PRKDC: variants seen among roughly 807,000 people sequenced by gnomAD.
The protein encoded by PRKDC is protein kinase, DNA-activated, catalytic subunit, also known as DNA-dependent protein kinase catalytic subunit.
In PRKDC, 82 loss-of-function variants were observed where a neutral mutation model predicts 486.9. That is an observed-to-expected ratio of 0.17 (90% CI 0.14 to 0.20). The LOEUF is 0.20. PRKDC is among the 10% of genes least tolerant of loss of function. The pLI, the probability that PRKDC is intolerant of heterozygous loss-of-function variation, is 1.00. For missense variants in PRKDC, 4,504 were observed against 5,038.2 expected (o/e 0.89, Z 3.21); for synonymous variants, 1,895 against 1,837.0 (o/e 1.03, Z -0.81).
At chr8:47,817,391 A>C in intron 68 of PRKDC, 59 bp downstream of exon 68, 2 of 1,227,256 alleles carry the variant, frequency 1.6e-6, no homozygotes, top group Non-Finnish European at 2.3e-6. Context: ...TTGGAAGAAA[A>C]ACCATTCCAA....
intron 16 of PRKDC, 46 bp from the exon 17 acceptor site, chr8:47,930,833 G>C: frequency 4.0e-6 from 6 of 1,487,712 alleles, no homozygotes; most frequent in Non-Finnish European, 5.4e-6. Flanking sequence ...ATTCAATCAC[G>C]AATCACTCAA....
intron 48 of PRKDC, 95 bp from the exon 49 acceptor site, chr8:47,857,394 A>G: frequency 7.3e-7 from 1 of 1,367,938 alleles, no homozygotes; most frequent in Non-Finnish European, 9.8e-7. Flanking sequence ...AAAATTTTAT[A>G]CTATGACTGG....
chr8:47,774,046 A>C lies in PRKDC; in HGVS notation c.*127T>G. 5.2e-6 allele frequency: 5 copies of C among 958,284 alleles called. No individual in the cohort carries two copies. Among genetic ancestry groups the C allele is most frequent in the Non-Finnish European group, 7.5e-6 (5 of 663,384 alleles). 59.4% of individuals were successfully genotyped at this position (958,284 alleles called of 1,614,324 possible). On this transcript the variant is annotated 3_prime_UTR_variant, in exon 86 of 86. Coordinates refer to ENST00000314191, the MANE Select transcript of PRKDC (RefSeq NM_006904.7). ...AATCTTGATTTAAACTCATGCTACGAAACTGTAGCACAAAAGACATTTCTC... is the reference window on the plus strand; with the variant it reads ...AATCTTGATTTAAACTCATGCTACGCAACTGTAGCACAAAAGACATTTCTC...
At chr8:47,785,586 T>C (rs2086777212) in intron 76 of PRKDC, among the ~76,000 whole-genome samples, 1 of 152,008 alleles carries the variant, frequency 6.6e-6, no homozygotes, top group Non-Finnish European at 1.5e-5. Flanking sequence ...ATAAAAACAT[T>C]AGCTGGGTGT....
chr8:47,807,028 A>G, intron 69 of PRKDC, 109 bp downstream of exon 69: 10 of 1,120,802 alleles, frequency 8.9e-6, no homozygotes, highest in Non-Finnish European at 1.2e-5. Context: ...AAAAAATAAC[A>G]CCTACCAATT....
chr8:47,803,333 T>G lies in PRKDC; in HGVS notation c.9895A>C (p.Thr3299Pro). 1.9e-6 allele frequency: 3 copies of G among 1,613,496 alleles called. No individual in the cohort carries two copies. The highest frequency in any genetic ancestry group is 2.5e-6 in the Non-Finnish European group (3 of 1,179,710). ...RSQGCSEQVL[T>P]VLKTVSLLDE... ...AACAAAGAGACTGTTTTCAGCACAG[T>G]GAGCACCTGCTCAGAGCAGCCCTGG... The change falls in exon 70 of 86, where the codon ACT (threonine) becomes CCT (proline). Residue 3299 changes from threonine to proline, a missense_variant. Physicochemically the swap from Thr to Pro is conservative, Grantham distance 38. This residue lies in a region of PRKDC where 1,592 missense variants were observed against 1,724.6 expected (regional missense o/e 0.92). Transcript: ENST00000314191.
intron 68 of PRKDC, among the ~76,000 whole-genome samples, chr8:47,813,932 T>C (rs2087387401): frequency 6.6e-6 from 1 of 152,180 alleles, no homozygotes; most frequent in African/African-American, 2.4e-5. Flanking sequence ...GAGGCCATGA[T>C]AACCCTAATA....
chr8:47,805,191 CTT>C (rs1007717897), intron 69 of PRKDC: 2 of 152,112 alleles, frequency 1.3e-5, no homozygotes, highest in Non-Finnish European at 2.9e-5. Flanking sequence ...CTACGTTTAA[CTT>C]TTTGAGGAAA....
At chr8:47,796,426 A>G (rs1447667858) in intron 73 of PRKDC, among the ~76,000 whole-genome samples, 2 of 152,152 alleles carry the variant, frequency 1.3e-5, no homozygotes, top group African/African-American at 4.8e-5. Flanking sequence ...TTCAACTTAC[A>G]TTATTAGTGA....
rs147753989 is a variant in PRKDC at position 47,789,012 on chromosome 8, G to C, written c.10796C>G (p.Thr3599Ser). ...SNDVRAELAK[T>S]PVNKKNIEKM... ...TTCAATGTTTTTTTTATTTACAGGG[G>C]TTTTTGCTAGTTCAGCTCTTACATC... The change falls in exon 76 of 86, where the codon ACC becomes AGC. Residue 3599 changes from threonine to serine, a missense_variant. This residue lies in a region of PRKDC where 706 missense variants were observed against 945.0 expected (regional missense o/e 0.75). Coordinates refer to ENST00000314191, the MANE Select transcript of PRKDC (RefSeq NM_006904.7). 211 of 1,612,588 alleles carry C rather than the reference G, an allele frequency of 1.3e-4. No homozygotes were observed. In the East Asian group the frequency reaches 4.6e-3, roughly 35 times the overall value.
chr8:47,952,497 T>G (rs2090641130), intron 7 of PRKDC, among the ~76,000 whole-genome samples: 1 of 152,158 alleles, frequency 6.6e-6, no homozygotes, highest in African/African-American at 2.4e-5. Flanking sequence ...AGTAGCACAT[T>G]GGGACCCTTG....
intron 29 of PRKDC, 134 bp downstream of exon 29, chr8:47,898,336 T>G (rs1283612616): frequency 1.4e-6 from 1 of 707,122 alleles, no homozygotes; most frequent in East Asian, 2.8e-5. Flanking sequence ...AACGAACTCT[T>G]CAGACTTCCA....
intron 56 of PRKDC, among the ~76,000 whole-genome samples, chr8:47,837,875 C>T (rs1473838933): frequency 6.6e-6 from 1 of 152,086 alleles, no homozygotes; most frequent in African/African-American, 2.4e-5. Flanking sequence ...GTGGCTCAGG[C>T]GTGTAATCCC....
rs147895173 is a variant in PRKDC at position 47,902,601 on chromosome 8, T to A, written c.3237A>T (p.Ser1079=). The A allele has an allele frequency of 8.7e-6, 14 of 1,600,566 alleles. No homozygotes were observed. The highest frequency in any genetic ancestry group is 3.5e-5 in the Admixed American group (2 of 57,406). The change falls in exon 27 of 86, where the codon TCA becomes TCT. Residue 1079 remains serine (S), a synonymous_variant. Coordinates refer to ENST00000314191, the MANE Select transcript of PRKDC (RefSeq NM_006904.7). Reference sequence around the variant, plus strand: ...CCCTGTAGATATTATTAAAGGCAAGTGATGCTCCCAGCCTCTTGAAAGCAT... The same window carrying A: ...CCCTGTAGATATTATTAAAGGCAAGAGATGCTCCCAGCCTCTTGAAAGCAT... ...HPNAFKRLGA[S]LAFNNIYREF... is the part of the protein sequence containing the mutation.
chr8:47,917,147 CGGGTGGCT>C (rs2089998672), intron 22 of PRKDC, among the ~76,000 whole-genome samples: 1 of 152,040 alleles, frequency 6.6e-6, no homozygotes, highest in Non-Finnish European at 1.5e-5. Context: ...CCCAGCTACT[CGGGTGGCT>C]GAGGCGGGAG....
chr8:47,959,791 C>T (rs753465497), intron 1 of PRKDC, among the ~76,000 whole-genome samples, 182 bp downstream of exon 1: 10 of 152,146 alleles, frequency 6.6e-5, no homozygotes, highest in Non-Finnish European at 1.0e-4. Context: ...TCCTCTAATA[C>T]TAGGGGGTAA....
chr8:47,935,607 A>C (rs2090336661), intron 13 of PRKDC, 125 bp downstream of exon 13: 2 of 1,106,786 alleles, frequency 1.8e-6, no homozygotes, highest in Non-Finnish European at 2.5e-6. Context: ...GTCTACCAAA[A>C]TTTAGGAGTT....
intron 43 of PRKDC, 55 bp from the exon 44 acceptor site, chr8:47,862,182 C>G: frequency 6.8e-7 from 1 of 1,465,338 alleles, no homozygotes; most frequent in Admixed American, 2.1e-5. Context: ...TCCTCATAAT[C>G]GATGTTACTT....
At position 47,800,469 on chromosome 8, in the gene PRKDC, G is replaced by T. The variant is rs1438266329; in HGVS notation, c.10116+324C>A. 3.5e-5 allele frequency among the ~76,000 whole-genome samples: 5 copies of T among 142,898 alleles called. No individual in the cohort carries two copies. The South Asian group carries it at 9.3e-4, about 26-fold the overall frequency. 93.7% of individuals were successfully genotyped at this position (142,898 alleles called of 152,430 possible). On this transcript the variant is annotated intron_variant, in intron 71 of 85. Coordinates refer to ENST00000314191, the MANE Select transcript of PRKDC (RefSeq NM_006904.7). The stretch of plus-strand genomic sequence containing the variant: ...TCTGGGGACTGTTGTGGGGTGGGGG[G>T]AAGGGGGAGGGATAGCATTAGGAGA...
Sources: allele counts gnomAD v4.1 joint callset (sites outside exome capture counted in the v4.1 genomes callset), GRCh38; gene constraint gnomAD v4.1.1; regional missense constraint gnomAD v4.1.1; transcripts MANE v1.5; gene names NCBI Gene and HGNC (gene_info 2026-07-23, HGNC 2026-07-21).